Variants in SPINK5 observed in about 807,000 individuals in gnomAD.
SPINK5 encodes serine peptidase inhibitor Kazal type 5, also known as serine protease inhibitor Kazal-type 5.
In SPINK5, 125 loss-of-function variants were observed where a neutral mutation model predicts 151.8. The observed-to-expected ratio is 0.82, with a 90% CI of 0.71 to 0.96. SPINK5 has a LOEUF of 0.96. Among genes scored for constraint, SPINK5 ranks in the 40% least tolerant of loss-of-function variants. The pLI is 0.00. For missense variants in SPINK5, 1,194 were observed against 1,291.9 expected (o/e 0.92, Z 1.16); for synonymous variants, 374 against 395.3 (o/e 0.95, Z 0.64).
rs756530503 is a variant in SPINK5 at position 148,107,052 on chromosome 5, T to C, written c.1495T>C (p.Phe499Leu). Residue 499 changes from phenylalanine to leucine, a missense_variant, in exon 17 of 33, where the codon TTT becomes CTT. Coordinates refer to ENST00000256084, the MANE Select transcript of SPINK5 (RefSeq NM_006846.4). ...REAAKEICSE[F>L]RDQVRNGTLI... Reference sequence around the variant, plus strand: ...CATTTCCCAGGAAATCTGCAGTGAATTTCGGGACCAAGTGAGGAATGGAAC... The same window carrying C: ...CATTTCCCAGGAAATCTGCAGTGAACTTCGGGACCAAGTGAGGAATGGAAC... 57 of 1,612,830 alleles carry C rather than the reference T, an allele frequency of 3.5e-5. No homozygotes were observed. Among genetic ancestry groups the C allele is most frequent in the Non-Finnish European group, 4.7e-5 (56 of 1,179,200 alleles).
At chr5:148,087,853 A>T (rs915779450) in intron 5 of SPINK5, among the ~76,000 whole-genome samples, 2 of 151,748 alleles carry the variant, frequency 1.3e-5, no homozygotes, top group African/African-American at 2.4e-5. Flanking sequence ...AAAATTGAAA[A>T]TTTTATTTTT....
chr5:148,083,164 T>A (rs1231774393), intron 4 of SPINK5, among the ~76,000 whole-genome samples: 1 of 151,478 alleles, frequency 6.6e-6, no homozygotes, highest in African/African-American at 2.4e-5. Context: ...TTCTTGTCAT[T>A]TTTTACTTCA....
At position 148,111,483 on chromosome 5, in the gene SPINK5, C is replaced by T. The variant is rs374042068; in HGVS notation, c.1693-285C>T. ...GGTATTATTCTGTATACCACAGATT[C>T]CTTTACCAATTTAAGAGGCCATACA... On this transcript the variant is annotated intron_variant, in intron 18 of 32. Transcript: ENST00000256084. 3.3e-5 allele frequency among the ~76,000 whole-genome samples: 5 copies of T among 152,152 alleles called. No individual in the cohort carries two copies. The East Asian group carries it at 9.6e-4, about 29-fold the overall frequency.
intron 13 of SPINK5, among the ~76,000 whole-genome samples, chr5:148,100,920 G>T (rs1348115070): frequency 6.6e-6 from 1 of 152,158 alleles, no homozygotes; most frequent in Non-Finnish European, 1.5e-5. Flanking sequence ...CCAAGTGGAT[G>T]CCAGGAAGAA....
chr5:148,133,319 CAT>C (rs1330600093), intron 31 of SPINK5, among the ~76,000 whole-genome samples: 2 of 152,314 alleles, frequency 1.3e-5, no homozygotes, highest in East Asian at 3.9e-4. Context: ...CAAACAAGTA[CAT>C]GTCTGATTCA....
intron 31 of SPINK5, among the ~76,000 whole-genome samples, chr5:148,131,990 A>C (rs1754584956): frequency 6.6e-6 from 1 of 152,114 alleles, no homozygotes; most frequent in Non-Finnish European, 1.5e-5. Context: ...CCTTCATTGG[A>C]GAAATGGAGA....
At chr5:148,135,705 G>T (rs998147714) in intron 32 of SPINK5, among the ~76,000 whole-genome samples, 1 of 152,020 alleles carries the variant, frequency 6.6e-6, no homozygotes, top group Non-Finnish European at 1.5e-5. Flanking sequence ...CTGATGACTA[G>T]TAAGGATGTA....
At position 148,107,033 on chromosome 5, in the gene SPINK5, C is replaced by A; in HGVS notation, c.1480-4C>A. On this transcript the variant is annotated splice_polypyrimidine_tract_variant and splice_region_variant and intron_variant, in intron 16 of 32. Coordinates refer to ENST00000256084, the MANE Select transcript of SPINK5 (RefSeq NM_006846.4). ...TCTGAGAAAATATTTTCTTCATTTC[C>A]CAGGAAATCTGCAGTGAATTTCGGG... The A allele has an allele frequency of 6.2e-7, 1 of 1,611,734 alleles. No homozygotes were observed. The highest frequency in any genetic ancestry group is 1.1e-5 in the South Asian group (1 of 90,960).
Position 148,097,979 on chromosome 5 carries a change from T to A in SPINK5, c.995T>A (p.Met332Lys), listed in dbSNP as rs1471146416. ...AAAATGCATGGCAACTTGTGTTCCA[T>A]GTGTCAAGCCTACTTGTGAGTATAG... ...DGKMHGNLCSMCQAYFQAENE... is the reference protein window; with the variant it reads ...DGKMHGNLCSKCQAYFQAENE... Residue 332 changes from methionine (M) to lysine (K), a missense_variant, in exon 11 of 33, where the codon ATG (methionine) becomes AAG (lysine). Met to Lys is a moderately conservative substitution (Grantham distance 95). Coordinates refer to ENST00000256084, the MANE Select transcript of SPINK5 (RefSeq NM_006846.4). The A allele has an allele frequency of 6.2e-7, 1 of 1,611,900 alleles. No individual in the cohort carries two copies. Among genetic ancestry groups the A allele is most frequent in the Non-Finnish European group, 8.5e-7 (1 of 1,178,584 alleles).
chr5:148,065,966 A>G (rs1752573800), intron 2 of SPINK5, among the ~76,000 whole-genome samples: 1 of 152,178 alleles, frequency 6.6e-6, no homozygotes, highest in African/African-American at 2.4e-5. Flanking sequence ...ATGGTACGTT[A>G]AATAATGATA....
At chr5:148,112,990 T>G (rs1581094658) in intron 20 of SPINK5, 56 bp downstream of exon 20, 1 of 1,604,300 alleles carries the variant, frequency 6.2e-7, no homozygotes, top group East Asian at 2.2e-5. Context: ...GCAGTATCTC[T>G]GTAAAAATAA....
chr5:148,123,804 G>A (rs1280213085), intron 26 of SPINK5, 29 bp from the exon 27 acceptor site: 2 of 1,613,556 alleles, frequency 1.2e-6, no homozygotes, highest in Middle Eastern at 1.7e-4. Flanking sequence ...TACCATGACA[G>A]TAACAACTTT....
At chr5:148,122,154 T>G (rs1754286515) in intron 26 of SPINK5, among the ~76,000 whole-genome samples, 1 of 152,006 alleles carries the variant, frequency 6.6e-6, no homozygotes, top group South Asian at 2.1e-4. Flanking sequence ...CAGGAAAACT[T>G]AAGAGAAGTG....
At chr5:148,122,148 A>G (rs1181685637) in intron 26 of SPINK5, among the ~76,000 whole-genome samples, 1 of 152,116 alleles carries the variant, frequency 6.6e-6, no homozygotes, top group African/African-American at 2.4e-5. Context: ...AGAATTCAGG[A>G]AAACTTAAGA....
At position 148,097,983 on chromosome 5, in the gene SPINK5, T is replaced by C. The variant is rs1253381247; in HGVS notation, c.999T>C (p.Cys333=). The C allele has an allele frequency of 1.9e-6, 3 of 1,611,986 alleles. 1 individual carries two copies. In the Admixed American group the frequency reaches 5.0e-5, roughly 27 times the overall value. Reference sequence around the variant, plus strand: ...TGCATGGCAACTTGTGTTCCATGTGTCAAGCCTACTTGTGAGTATAGAGTT... The same window carrying C: ...TGCATGGCAACTTGTGTTCCATGTGCCAAGCCTACTTGTGAGTATAGAGTT... ...GKMHGNLCSM[C]QAYFQAENEE... is the part of the protein sequence containing the mutation. The change falls in exon 11 of 33, where the codon TGT becomes TGC. Residue 333 remains cysteine (C), a synonymous_variant. Transcript: ENST00000256084.
chr5:148,067,580 T>C (rs774121392), intron 2 of SPINK5, among the ~76,000 whole-genome samples: 7 of 152,148 alleles, frequency 4.6e-5, no homozygotes, highest in Non-Finnish European at 8.8e-5. Flanking sequence ...AGAGAATACA[T>C]TGGATAATTT....
chr5:148,126,832 T>C lies in SPINK5; in HGVS notation c.2868-151T>C, dbSNP rs1017315294. 4 of 573,696 alleles carry C rather than the reference T, an allele frequency of 7.0e-6. No individual in the cohort carries two copies. The African/African-American group carries it at 7.6e-5, about 11-fold the overall frequency. 35.5% of individuals were successfully genotyped at this position (573,696 alleles called of 1,614,324 possible). On this transcript the variant is annotated intron_variant, in intron 29 of 32. Transcript: ENST00000256084. ...GTCTCCAACTCCTGACCTCAGGTGA[T>C]TCGCCAGCCTGGGCCTTCCAAAATG... is the stretch of plus-strand genomic sequence containing the variant.
rs1341914706 is a variant in SPINK5, at chr5:148,120,282, G to C, written c.2442-13G>C. On this transcript the variant is annotated splice_polypyrimidine_tract_variant and intron_variant, in intron 25 of 32. Transcript: ENST00000256084. The stretch of plus-strand genomic sequence containing the variant: ...TTCACTTTGATTGAAATGTTTCATT[G>C]TTTTCCCCCCAGGGAAAGGGAAGCA... 1.9e-6 allele frequency: 3 copies of C among 1,605,040 alleles called. No homozygotes were observed. The highest frequency in any genetic ancestry group is 2.6e-6 in the Non-Finnish European group (3 of 1,175,018).
intron 1 of SPINK5, among the ~76,000 whole-genome samples, chr5:148,064,802 A>G (rs1259290632): frequency 6.6e-6 from 1 of 152,202 alleles, no homozygotes; most frequent in Admixed American, 6.5e-5. Context: ...AAAAGAGCCT[A>G]TGTTAATGAG....
Sources: gnomAD v4.1 joint callset for allele counts (sites outside exome capture counted in the v4.1 genomes callset) on GRCh38, gnomAD v4.1.1 for gene constraint, MANE v1.5 for transcripts, NCBI Gene and HGNC (gene_info 2026-07-23, HGNC 2026-07-21) for gene names.